EVC: variants seen among roughly 807,000 people sequenced by gnomAD.
EVC encodes the protein EvC ciliary complex subunit 1, also known as evC complex member EVC.
Under a neutral mutation model 118.9 loss-of-function variants are expected in EVC, and 116 were observed. The observed-to-expected ratio is 0.98, with a 90% CI of 0.84 to 1.14. EVC has a LOEUF of 1.14. EVC is among the 50% of genes most tolerant of loss of function. The pLI is 0.00. For synonymous variants in EVC, 619 were observed against 534.7 expected, an observed-to-expected ratio of 1.16 and a Z score of -2.18; for missense variants, 1,401 against 1,246.4, an observed-to-expected ratio of 1.12 and a Z score of -1.87.
At chr4:5,767,772 G>GCTGCACCCACTGAC (rs1182957255) in intron 11 of EVC, among the ~76,000 whole-genome samples, 6 of 152,164 alleles carry the variant, frequency 3.9e-5, no homozygotes, top group Non-Finnish European at 7.3e-5. Context: ...CACATGGTGC[G>GCTGCACCCACTGAC]CTGCACCCAC....
At chr4:5,825,548 T>C in the EVC span, 1 of 1,594,758 alleles carries the variant, frequency 6.3e-7, no homozygotes, top group Non-Finnish European at 8.5e-7. This position sits in a 1 kb window ranked among gnomAD's most constrained non-coding sequence, Gnocchi z 4.4. Flanking sequence ...GGCTGGTGTT[T>C]AGAAGGCGAA....
intron 5 of EVC, among the ~76,000 whole-genome samples, chr4:5,740,492 AAGAAAAAATAT>A: frequency 6.6e-6 from 1 of 151,708 alleles, no homozygotes; most frequent in African/African-American, 2.4e-5. Flanking sequence ...AAAAAAGAAA[AAGAAAAAATAT>A]AAGAGAAATT....
At chr4:5,793,516 C>A in intron 12 of EVC, 92 bp from the exon 13 acceptor site, 1 of 1,112,134 alleles carries the variant, frequency 9.0e-7, no homozygotes, top group Non-Finnish European at 1.3e-6. Context: ...AAGAAACGCA[C>A]ACAAACAAGA....
intron 11 of EVC, among the ~76,000 whole-genome samples, chr4:5,770,433 C>T (rs1446812542): frequency 6.6e-6 from 1 of 152,170 alleles, no homozygotes; most frequent in Non-Finnish European, 1.5e-5. Context: ...CAAGGACAGG[C>T]CAGACCCCTC....
intron 17 of EVC, 41 bp downstream of exon 17, chr4:5,804,882 C>T (rs369748810): frequency 2.2e-5 from 34 of 1,524,658 alleles, no homozygotes; most frequent in Non-Finnish European, 2.6e-5. Flanking sequence ...CTGTTCTCTA[C>T]CCCATTCACA....
At chr4:5,725,456 G>A (rs1444701897) in intron 2 of EVC, among the ~76,000 whole-genome samples, 1 of 152,146 alleles carries the variant, frequency 6.6e-6, no homozygotes, top group African/African-American at 2.4e-5. Flanking sequence ...GTTTTGATTT[G>A]CATCTCTCTA....
At chr4:5,758,895 C>T (rs1403951493) in intron 11 of EVC, among the ~76,000 whole-genome samples, 1 of 152,152 alleles carries the variant, frequency 6.6e-6, no homozygotes, top group African/African-American at 2.4e-5. Flanking sequence ...CAATTTATTG[C>T]AAAGGAGAAA....
chr4:5,813,953 A>G lies in EVC; in HGVS notation c.*2916A>G, dbSNP rs1026691226. ...ACCTGCCAGCAGGAGCATGATGGGG[A>G]CTTCCATGCTGGAATTGCTCCCTGA... On this transcript the variant is annotated 3_prime_UTR_variant, in exon 21 of 21. Coordinates refer to ENST00000264956, the MANE Select transcript of EVC (RefSeq NM_153717.3). 2 of 152,362 alleles carry G rather than the reference A, an allele frequency of 1.3e-5. No homozygotes were observed. The allele number at this position is 152,362 out of a possible 1,614,324, so 9.4% of individuals were successfully genotyped here.
chr4:5,784,722 C>G (rs1038993196), intron 12 of EVC, among the ~76,000 whole-genome samples: 4 of 151,396 alleles, frequency 2.6e-5, no homozygotes, highest in African/African-American at 9.7e-5. Flanking sequence ...ATTCTCCTGC[C>G]TCAGCCTCCC....
rs913233513 is a variant in EVC, at chr4:5,801,973, G to C, written c.2328G>C (p.Val776=). The stretch of plus-strand genomic sequence containing the variant: ...AGAGGACACTGATGGAGGCGGCAGT[G>C]GAGAGCGTCTACGTGACCAGCGCTG... ...DFKRTLMEAA[V]ESVYVTSAGV... is the part of the protein sequence containing the mutation. Residue 776 remains valine (V), a synonymous_variant, in exon 16 of 21, where the codon GTG becomes GTC. Coordinates refer to ENST00000264956, the MANE Select transcript of EVC (RefSeq NM_153717.3). 2 of 1,613,862 alleles carry C rather than the reference G, an allele frequency of 1.2e-6. No individual in the cohort carries two copies. The highest frequency in any genetic ancestry group is 1.7e-6 in the Non-Finnish European group (2 of 1,180,012).
At chr4:5,748,919 T>C (rs1729919529) in intron 8 of EVC, among the ~76,000 whole-genome samples, 1 of 93,940 alleles carries the variant, frequency 1.1e-5, no homozygotes, top group African/African-American at 2.9e-5. Flanking sequence ...AAAGTACTGA[T>C]TCTTGGGCCC....
At chr4:5,753,280 T>C (rs1416414485) in intron 9 of EVC, among the ~76,000 whole-genome samples, 2 of 152,216 alleles carry the variant, frequency 1.3e-5, no homozygotes, top group Non-Finnish European at 2.9e-5. Flanking sequence ...AGGGGTCACC[T>C]GCTGCACTCA....
downstream of EVC, among the ~76,000 whole-genome samples, chr4:5,816,256 C>T (rs899247821): frequency 3.9e-5 from 6 of 152,140 alleles, no homozygotes; most frequent in African/African-American, 7.2e-5. Context: ...GCTCTTCATC[C>T]GCCTTGTTCT....
Position 5,794,376 on chromosome 4 carries a change from CATATATATATATTTTTTAT to C in EVC, c.1886+677_1886+695del, listed in dbSNP as rs1440240458. Among the ~76,000 whole-genome samples, 47 of 123,392 alleles carry C rather than the reference CATATATATATATTTTTTAT, an allele frequency of 3.8e-4. 1 individual carries two copies. The highest frequency in any genetic ancestry group is 5.9e-4 in the Non-Finnish European group (34 of 57,508). 80.9% of individuals were successfully genotyped at this position (123,392 alleles called of 152,430 possible). ...ATATTTATGTATTTATATTTATATA[CATATATATATATTTTTTAT>C]ATATATATATATTTTTTTTCTTTTT... On this transcript the variant is annotated intron_variant, in intron 13 of 20. Coordinates refer to ENST00000264956, the MANE Select transcript of EVC (RefSeq NM_153717.3).
chr4:5,748,094 C>T (rs1729642002), intron 7 of EVC, 54 bp from the exon 8 acceptor site: 2 of 1,582,694 alleles, frequency 1.3e-6, no homozygotes, highest in Non-Finnish European at 8.6e-7. Flanking sequence ...CACCGTTTGG[C>T]TTTCTTAAGT....
chr4:5,803,192 C>T (rs1214668773), intron 16 of EVC, among the ~76,000 whole-genome samples: 6 of 152,198 alleles, frequency 3.9e-5, no homozygotes, highest in Non-Finnish European at 5.9e-5. Flanking sequence ...CCCCTGAATC[C>T]AGAACTTCTG....
chr4:5,767,682 C>T (rs375629122), intron 11 of EVC, among the ~76,000 whole-genome samples: 2 of 152,224 alleles, frequency 1.3e-5, no homozygotes, highest in South Asian at 4.2e-4. Flanking sequence ...ATCTGTCACC[C>T]CTTTCTTTGA....
intron 10 of EVC, 21 bp downstream of exon 10, chr4:5,753,954 C>G: frequency 3.7e-6 from 6 of 1,612,356 alleles, no homozygotes; most frequent in Non-Finnish European, 5.1e-6. Flanking sequence ...TCCCCAGCCT[C>G]TGCACATGTG....
intron 11 of EVC, among the ~76,000 whole-genome samples, chr4:5,766,251 T>C (rs905536031): frequency 1.3e-5 from 2 of 151,812 alleles, no homozygotes; most frequent in Non-Finnish European, 2.9e-5. Context: ...TTCTGGCTTG[T>C]AGAGTTTCTG....
Sources: allele counts gnomAD v4.1 joint callset (sites outside exome capture counted in the v4.1 genomes callset), GRCh38; gene constraint gnomAD v4.1.1; non-coding constraint Gnocchi (gnomAD v3.1); transcripts MANE v1.5; gene names NCBI Gene and HGNC (gene_info 2026-07-23, HGNC 2026-07-21).